TBC1D31: variants seen among roughly 807,000 people sequenced by gnomAD.
TBC1D31 encodes WD repeat domain 67.
In TBC1D31, 99 loss-of-function variants were observed where a neutral mutation model predicts 132.9. That is an observed-to-expected ratio of 0.74 (90% CI 0.63 to 0.88). The LOEUF (loss-of-function observed/expected upper bound fraction) is 0.88. Ranked by LOEUF, TBC1D31 falls within the 40% of genes least tolerant of loss-of-function variation. The probability of loss-of-function intolerance (pLI) is 0.00; values close to 1 mark genes in which losing one functional copy is unlikely to be tolerated. For synonymous variants in TBC1D31, 385 were observed against 419.4 expected, an observed-to-expected ratio of 0.92 and a Z score of 1.00; for missense variants, 1,134 against 1,256.6, an observed-to-expected ratio of 0.90 and a Z score of 1.48.
At position 123,095,099 on chromosome 8, in the gene TBC1D31, A is replaced by G. The variant is rs756890310; in HGVS notation, c.671+1357A>G. The stretch of plus-strand genomic sequence containing the variant: ...GATTTTGCTCTTGTCTTCATGTGGT[A>G]TTGTTTAATATGATCCTCTGTTACC... On this transcript the variant is annotated intron_variant, in intron 5 of 21. Coordinates refer to ENST00000287380, the MANE Select transcript of TBC1D31 (RefSeq NM_145647.4). 6.6e-5 allele frequency among the ~76,000 whole-genome samples: 10 copies of G among 151,908 alleles called. 1 individual carries two copies. Among genetic ancestry groups the G allele is most frequent in the Middle Eastern group, 6.3e-3 (2 of 316 alleles).
intron 10 of TBC1D31, among the ~76,000 whole-genome samples, chr8:123,116,166 A>G (rs1006057587): frequency 8.5e-5 from 13 of 152,210 alleles, no homozygotes; most frequent in African/African-American, 3.1e-4. Context: ...GTTTTTAAAG[A>G]TGTCATTTCA....
chr8:123,142,187 A>T, intron 18 of TBC1D31, 75 bp from the exon 19 acceptor site: 1 of 1,093,498 alleles, frequency 9.1e-7, no homozygotes, highest in Non-Finnish European at 1.3e-6. Flanking sequence ...ACACTTGGAT[A>T]CATTGAATGG....
the TBC1D31 span, among the ~76,000 whole-genome samples, chr8:123,157,904 A>G: frequency 6.6e-6 from 1 of 152,020 alleles, no homozygotes; most frequent in East Asian, 1.9e-4. Flanking sequence ...TTCTGACTGC[A>G]GGACTGACTG....
downstream of TBC1D31, among the ~76,000 whole-genome samples, chr8:123,152,639 G>A (rs763991893): frequency 7.9e-5 from 12 of 152,150 alleles, no homozygotes; most frequent in Non-Finnish European, 1.2e-4. Context: ...GGGAGGCTGC[G>A]GTGGGTGGAT....
intron 17 of TBC1D31, among the ~76,000 whole-genome samples, chr8:123,137,265 G>A (rs746504945): frequency 3.3e-5 from 5 of 151,972 alleles, no homozygotes; most frequent in African/African-American, 2.4e-5. Context: ...CTTCTCCTTC[G>A]GATAATACCA....
At chr8:123,123,449 C>T (rs945711420) in intron 11 of TBC1D31, 2 of 158,700 alleles carry the variant, frequency 1.3e-5, no homozygotes, top group South Asian at 2.0e-4. Context: ...CAAAGGAGAA[C>T]ATTCAGCCTA....
intron 4 of TBC1D31, among the ~76,000 whole-genome samples, chr8:123,091,065 A>T (rs559528207): frequency 1.1e-3 from 175 of 152,280 alleles, no homozygotes; most frequent in African/African-American, 3.5e-3. Flanking sequence ...ACAAGGAAAA[A>T]CTACAGCTCC....
chr8:123,129,671 G>A (rs563526972), intron 15 of TBC1D31, among the ~76,000 whole-genome samples: 12 of 152,168 alleles, frequency 7.9e-5, no homozygotes, highest in South Asian at 4.1e-4. Context: ...TATTAAATGC[G>A]TATTCAAAAG....
At position 123,084,359 on chromosome 8, in the gene TBC1D31, C is replaced by G; in HGVS notation, c.519+19C>G. The G allele has an allele frequency of 6.2e-7, 1 of 1,611,644 alleles. No individual in the cohort carries two copies. The highest frequency in any genetic ancestry group is 8.5e-7 in the Non-Finnish European group (1 of 1,178,438). Reference sequence around the variant, plus strand: ...ACAGAAGGTCAGTGAGGGGGTACATCTTGGTCTGTTGTGCTTCTCGGGCTA... The same window carrying G: ...ACAGAAGGTCAGTGAGGGGGTACATGTTGGTCTGTTGTGCTTCTCGGGCTA... On this transcript the variant is annotated intron_variant, in intron 4 of 21. Transcript: ENST00000287380.
At chr8:123,126,855 C>A (rs1160055591) in intron 13 of TBC1D31, among the ~76,000 whole-genome samples, 168 bp downstream of exon 13, 1 of 152,072 alleles carries the variant, frequency 6.6e-6, no homozygotes, top group Non-Finnish European at 1.5e-5. Context: ...GATTCTCCTG[C>A]CTCAGCCTCC....
intron 13 of TBC1D31, 140 bp downstream of exon 13, chr8:123,126,827 C>T (rs1319897473): frequency 3.1e-5 from 20 of 654,416 alleles, no homozygotes; most frequent in South Asian, 1.5e-4. Context: ...CTGCAACCTC[C>T]GCCTCCCAAG....
In TBC1D31 at chr8:123,094,305, G is replaced by A. The variant is rs186221819; in HGVS notation, c.671+563G>A. 8.8e-3 allele frequency among the ~76,000 whole-genome samples: 1,334 copies of A among 151,712 alleles called. 18 individuals are homozygous for A. The highest frequency in any genetic ancestry group is 0.029 in the African/African-American group (1,205 of 41,414). Reference sequence around the variant, plus strand: ...TCTCGAACTCCTGACCTTGTGATCCGCCCGCCTCGGCCTCCCAGAGTGCTG... The same window carrying A: ...TCTCGAACTCCTGACCTTGTGATCCACCCGCCTCGGCCTCCCAGAGTGCTG... On this transcript the variant is annotated intron_variant, in intron 5 of 21. Coordinates refer to ENST00000287380, the MANE Select transcript of TBC1D31 (RefSeq NM_145647.4).
intron 2 of TBC1D31, among the ~76,000 whole-genome samples, chr8:123,080,669 T>C (rs2129758627): frequency 6.6e-6 from 1 of 151,256 alleles, no homozygotes; most frequent in African/African-American, 2.4e-5. Flanking sequence ...CCCAAGTAGC[T>C]GGGACTACAG....
intron 6 of TBC1D31, among the ~76,000 whole-genome samples, chr8:123,100,085 G>C (rs368116658): frequency 3.8e-4 from 58 of 152,228 alleles, no homozygotes; most frequent in Non-Finnish European, 6.5e-4. Flanking sequence ...ATTTGCTGTT[G>C]GAGAGACGCA....
intron 8 of TBC1D31, among the ~76,000 whole-genome samples, chr8:123,106,861 G>A (rs1242783532): frequency 2.0e-5 from 3 of 152,154 alleles, no homozygotes; most frequent in African/African-American, 7.2e-5. Flanking sequence ...ATCAGCAAAG[G>A]GAAAAGACAC....
At chr8:123,126,767 A>C in intron 13 of TBC1D31, 80 bp downstream of exon 13, 1 of 1,321,550 alleles carries the variant, frequency 7.6e-7, no homozygotes, top group South Asian at 1.5e-5. Context: ...TTTGAGACAG[A>C]GTCTCGCTAT....
chr8:123,128,494 T>C lies in TBC1D31; in HGVS notation c.2098T>C (p.Leu700=), dbSNP rs551859606. The part of the protein sequence containing the change: ...QERERIRNDE[L]DYLRERQTVE... ...ACGAGAAAGAATAAGGAATGATGAA[T>C]TGGATTACTTAAGAGAGAGGTAATT... is the stretch of plus-strand genomic sequence containing the variant. The change falls in exon 14 of 22, where the codon TTG becomes CTG. Residue 700 remains leucine (L), a synonymous_variant. Transcript: ENST00000287380. 13 of 1,605,160 alleles carry C rather than the reference T, an allele frequency of 8.1e-6. No individual in the cohort carries two copies. Among genetic ancestry groups the C allele is most frequent in the East Asian group, 2.2e-5 (1 of 44,790 alleles).
intron 1 of TBC1D31, among the ~76,000 whole-genome samples, chr8:123,076,257 G>A (rs990381511): frequency 2.0e-5 from 3 of 151,914 alleles, no homozygotes; most frequent in Non-Finnish European, 4.4e-5. Context: ...CATGCACCAT[G>A]CCTGGCTAAT....
At chr8:123,142,497 ATT>A (rs35381039) in intron 19 of TBC1D31, 41 bp downstream of exon 19, 5,415 of 1,087,550 alleles carry the variant, frequency 5.0e-3, no homozygotes, top group South Asian at 0.011. Context: ...TCAAGCATTG[ATT>A]TTTTTTTTTT....
Sources: gnomAD v4.1 joint callset for allele counts (sites outside exome capture counted in the v4.1 genomes callset) on GRCh38, gnomAD v4.1.1 for gene constraint, MANE v1.5 for transcripts, NCBI Gene and HGNC (gene_info 2026-07-23, HGNC 2026-07-21) for gene names.